The following ANK3 variants were observed in gnomAD, a reference collection of about 807,000 sequenced individuals.
The protein encoded by ANK3 is ankyrin-3.
In ANK3, 57 loss-of-function variants were observed where a neutral mutation model predicts 370.9. The observed-to-expected ratio is 0.15, with a 90% CI of 0.12 to 0.19. ANK3 has a LOEUF of 0.19. ANK3 is among the 10% of genes least tolerant of loss of function. The pLI, the probability that ANK3 is intolerant of heterozygous loss-of-function variation, is 1.00. For synonymous variants in ANK3, 1,929 were observed against 1,946.3 expected (o/e 0.99, Z 0.23); for missense variants, 4,439 against 5,302.1 (o/e 0.84, Z 5.06).
intron 2 of ANK3, among the ~76,000 whole-genome samples, chr10:60,589,290 T>G (rs2077877501): frequency 6.6e-6 from 1 of 152,224 alleles, no homozygotes. Flanking sequence ...TTAATTATCT[T>G]ATTCTAATTT....
At chr10:60,300,536 G>A (rs1377636087) in intron 1 of ANK3, 1 of 1,214,418 alleles carries the variant, frequency 8.2e-7, no homozygotes, top group Non-Finnish European at 1.0e-6. Flanking sequence ...GGGCAGACAA[G>A]AGTACAGAAT....
chr10:60,493,487 T>C (rs2075577342), intron 2 of ANK3, among the ~76,000 whole-genome samples: 3 of 152,154 alleles, frequency 2.0e-5, no homozygotes, highest in South Asian at 2.1e-4. Context: ...ACTCATTCAG[T>C]GGTCATGGAT....
intron 42 of ANK3, 155 bp from the exon 43 acceptor site, chr10:60,042,914 AC>A: frequency 6.9e-7 from 1 of 1,459,562 alleles, no homozygotes; most frequent in Non-Finnish European, 9.0e-7. Flanking sequence ...CTTTAGCTTA[AC>A]CACACAGTTT....
intron 1 of ANK3, among the ~76,000 whole-genome samples, chr10:60,708,054 C>G (rs1331756746): frequency 6.6e-6 from 1 of 152,184 alleles, no homozygotes; most frequent in Non-Finnish European, 1.5e-5. Context: ...CTTCCCATGT[C>G]TCCACCCCGT....
At chr10:60,577,503 T>G (rs2077697871) in intron 2 of ANK3, among the ~76,000 whole-genome samples, 1 of 152,020 alleles carries the variant, frequency 6.6e-6, no homozygotes, top group Admixed American at 6.6e-5. Context: ...AGTGAATAAG[T>G]CTCATGAGAT....
intron 2 of ANK3, among the ~76,000 whole-genome samples, chr10:60,452,629 G>A (rs1438030300): frequency 6.6e-6 from 1 of 152,206 alleles, no homozygotes; most frequent in African/African-American, 2.4e-5. Flanking sequence ...CATATGAAGA[G>A]CTTCCAAACT....
intron 2 of ANK3, among the ~76,000 whole-genome samples, chr10:60,588,129 T>A (rs887909283): frequency 1.3e-5 from 2 of 150,314 alleles, no homozygotes; most frequent in Admixed American, 6.7e-5. Context: ...CAAAAAAAAA[T>A]TAAATATAAA....
rs137932298 is a variant in ANK3 at position 60,072,539 on chromosome 10, T to G, written c.8342A>C (p.Gln2781Pro). ...GGTTTTTAATACCATAAAATCTTTT[T>G]GCACAGATACACTTTCATCTGGGAG... ...IDLPDESVSV[Q>P]KDFMVLKTKD... Residue 2781 changes from glutamine to proline, a missense_variant, in exon 37 of 44, where the codon CAA becomes CCA. Around this residue, in one of 13 missense-constraint regions of ANK3, gnomAD observed 1,601 missense variants for 1,731.7 expected, o/e 0.92. Transcript: ENST00000280772. 1.2e-6 allele frequency: 2 copies of G among 1,613,432 alleles called. No individual in the cohort carries two copies. The highest frequency in any genetic ancestry group is 1.7e-6 in the Non-Finnish European group (2 of 1,179,898).
chr10:60,549,748 T>C (rs1250503969), intron 2 of ANK3, among the ~76,000 whole-genome samples: 1 of 152,140 alleles, frequency 6.6e-6, no homozygotes, highest in African/African-American at 2.4e-5. Flanking sequence ...TAATTGACAT[T>C]TGGAAATATA....
intron 29 of ANK3, 107 bp from the exon 30 acceptor site, chr10:60,086,991 C>CAAAA (rs34256603): frequency 2.5e-4 from 36 of 144,750 alleles, no homozygotes; most frequent in African/African-American, 4.5e-4. Context: ...AACAGACAAC[C>CAAAA]AAAAAAAAAA....
intron 1 of ANK3, among the ~76,000 whole-genome samples, chr10:60,286,581 A>C (rs1186589667): frequency 1.3e-5 from 2 of 152,190 alleles, no homozygotes. Flanking sequence ...CATAAGGGCA[A>C]GAGTTTTTTA....
chr10:60,359,123 T>C lies in ANK3; in HGVS notation c.114+30302A>G, dbSNP rs72824133. Reference sequence around the variant, plus strand: ...GTCTTATTCACTACTGTAACCCTGGTGTGTAAAACAGTGTCTGACACTAGG... The same window carrying C: ...GTCTTATTCACTACTGTAACCCTGGCGTGTAAAACAGTGTCTGACACTAGG... On this transcript the variant is annotated intron_variant, in intron 1 of 43. Transcript: ENST00000280772. Among the ~76,000 whole-genome samples the C allele has an allele frequency of 7.2e-3, 1,095 of 152,250 alleles. 6 individuals carry two copies. Among genetic ancestry groups the C allele is most frequent in the Middle Eastern group, 0.02 (6 of 294 alleles).
chr10:60,074,402 G>C lies in ANK3; in HGVS notation c.6479C>G (p.Pro2160Arg). The C allele has an allele frequency of 6.2e-7, 1 of 1,614,060 alleles. No homozygotes were observed. Among genetic ancestry groups the C allele is most frequent in the Non-Finnish European group, 8.5e-7 (1 of 1,179,986 alleles). The stretch of plus-strand genomic sequence containing the variant: ...TTCAGTTCTTGTTTCTGTAATGACA[G>C]GAGGGATGGGAACTTCATGAAAAAG... ...KPLFHEVPIP[P>R]VITETRTEVV... The change falls in exon 37 of 44, where the codon CCT (proline) becomes CGT (arginine). Residue 2160 changes from proline (P) to arginine (R), a missense_variant. Physicochemically the swap from Pro to Arg is moderately radical, Grantham distance 103. Transcript: ENST00000280772.
chr10:60,185,826 T>A (rs977260720), intron 17 of ANK3, among the ~76,000 whole-genome samples: 1 of 152,202 alleles, frequency 6.6e-6, no homozygotes, highest in Non-Finnish European at 1.5e-5. Flanking sequence ...AGGCAGTAAC[T>A]TCATTAACAA....
At chr10:60,702,818 A>T (rs1209156538) in intron 1 of ANK3, among the ~76,000 whole-genome samples, 1 of 152,214 alleles carries the variant, frequency 6.6e-6, no homozygotes, top group Non-Finnish European at 1.5e-5. Context: ...ACAAAAAGAG[A>T]CAACCAGGCA....
chr10:60,182,786 A>G (rs1352594280), intron 17 of ANK3, among the ~76,000 whole-genome samples: 1 of 152,202 alleles, frequency 6.6e-6, no homozygotes, highest in African/African-American at 2.4e-5. Context: ...TTTTGGAGGA[A>G]GCTCACTTGA....
intron 2 of ANK3, among the ~76,000 whole-genome samples, chr10:60,498,183 A>G (rs1395783918): frequency 1.6e-4 from 25 of 152,152 alleles, no homozygotes; most frequent in Non-Finnish European, 1.5e-5. Flanking sequence ...TGTGATTAGA[A>G]CAACTGTTCT....
intron 2 of ANK3, among the ~76,000 whole-genome samples, chr10:60,413,924 G>C (rs756191002): frequency 1.3e-5 from 2 of 152,152 alleles, no homozygotes; most frequent in Non-Finnish European, 2.9e-5. Context: ...TTGAGCCTAG[G>C]AGGTTGAGGA....
At chr10:60,447,552 G>C (rs184456290) in intron 2 of ANK3, among the ~76,000 whole-genome samples, 3 of 151,982 alleles carry the variant, frequency 2.0e-5, no homozygotes, top group South Asian at 2.1e-4. Flanking sequence ...GTCTGCATGT[G>C]GGGGGGAAAA....
Sources: allele counts gnomAD v4.1 joint callset (sites outside exome capture counted in the v4.1 genomes callset), GRCh38; gene constraint gnomAD v4.1.1; regional missense constraint gnomAD v4.1.1; transcripts MANE v1.5; gene names NCBI Gene and HGNC (gene_info 2026-07-23, HGNC 2026-07-21).